SH3BP2: variants seen among roughly 807,000 people sequenced by gnomAD.
SH3BP2 encodes SH3 domain-binding protein 2.
A neutral mutation model predicts 56.2 loss-of-function variants in SH3BP2; 38 were observed. The ratio of observed to expected loss-of-function variants is 0.68; its 90% CI spans 0.52 to 0.89. The LOEUF is 0.89. Among genes scored for constraint, SH3BP2 ranks in the 40% least tolerant of loss-of-function variants. SH3BP2 has a pLI of 0.00. For synonymous variants in SH3BP2, 346 were observed against 316.7 expected, an observed-to-expected ratio of 1.09 and a Z score of -0.98; for missense variants, 748 against 762.6, an observed-to-expected ratio of 0.98 and a Z score of 0.23.
intron 5 of SH3BP2, 115 bp from the exon 6 acceptor site, chr4:2,827,115 G>C: frequency 1.3e-6 from 1 of 786,156 alleles, no homozygotes; most frequent in Non-Finnish European, 2.2e-6. Flanking sequence ...ATCCGTGTGT[G>C]CATCTGTGTA....
chr4:2,826,907 A>G (rs530311633), intron 5 of SH3BP2: 7 of 543,290 alleles, frequency 1.3e-5, no homozygotes, highest in Non-Finnish European at 2.5e-5. Flanking sequence ...GTCTTTGTGT[A>G]TATATATCCA....
At position 2,831,789 on chromosome 4, in the gene SH3BP2, G is replaced by A. The variant is rs1025890778; in HGVS notation, c.1350+110G>A. The A allele has an allele frequency of 2.6e-5, 35 of 1,347,048 alleles. No homozygotes were observed. The highest frequency in any genetic ancestry group is 2.5e-4 in the Admixed American group (13 of 51,418). The allele number at this position is 1,347,048 out of a possible 1,614,324, so 83.4% of individuals were successfully genotyped here. ...AGACCGTCCTGAGCAAGGACCCCCCGAGAACCCGGGAGCCTAGGGGGACAC... is the reference window on the plus strand; with the variant it reads ...AGACCGTCCTGAGCAAGGACCCCCCAAGAACCCGGGAGCCTAGGGGGACAC... On this transcript the variant is annotated intron_variant, in intron 9 of 12. Coordinates refer to ENST00000503393, the MANE Select transcript of SH3BP2 (RefSeq NM_001122681.2). The surrounding 1 kb of genome is among the most constrained non-coding windows in gnomAD (Gnocchi z 4.1).
At position 2,824,693 on chromosome 4, in the gene SH3BP2, C is replaced by T. The variant is rs368951667; in HGVS notation, c.320C>T (p.Thr107Met). The T allele has an allele frequency of 1.2e-5, 20 of 1,613,692 alleles. No individual in the cohort carries two copies. Among genetic ancestry groups the T allele is most frequent in the South Asian group, 4.4e-5 (4 of 91,086 alleles). Residue 107 changes from threonine (T) to methionine (M), a missense_variant, in exon 4 of 13, where the codon ACG becomes ATG. Coordinates refer to ENST00000503393, the MANE Select transcript of SH3BP2 (RefSeq NM_001122681.2). ...KIIHISKKHR[T>M]WFFSASSEEE... ...ATCCATATCAGCAAGAAGCACCGCACGTGGTTCTTCTCGGCCTCCTCCGAG... is the reference window on the plus strand; with the variant it reads ...ATCCATATCAGCAAGAAGCACCGCATGTGGTTCTTCTCGGCCTCCTCCGAG...
At chr4:2,813,036 C>T (rs426192) in intron 1 of SH3BP2, among the ~76,000 whole-genome samples, 112,194 of 152,112 alleles carry the variant, frequency 0.74, 41,809 homozygotes, top group African/African-American at 0.82. Context: ...CCACCCTGCC[C>T]CTGGCCAGCA....
rs58458573 is a variant in SH3BP2 at position 2,805,315 on chromosome 4, C to T, written c.-5+12177C>T. Among the ~76,000 whole-genome samples the T allele has an allele frequency of 6.2e-3, 950 of 152,262 alleles. 12 individuals carry two copies. The highest frequency in any genetic ancestry group is 0.022 in the African/African-American group (898 of 41,550). On this transcript the variant is annotated intron_variant, in intron 1 of 12. Transcript: ENST00000503393. ...TGCCTATCGATGAGGATGCTGGGGC[C>T]GGGAGGTCACCCTGGAGGCCCAGGC...
intron 1 of SH3BP2, among the ~76,000 whole-genome samples, chr4:2,803,967 G>A (rs1723428348): frequency 6.6e-6 from 1 of 152,156 alleles, no homozygotes; most frequent in South Asian, 2.1e-4. Context: ...TAGGTGCTGT[G>A]CCTGAGTGCC....
intron 1 of SH3BP2, chr4:2,817,959 G>A (rs1724075452): frequency 1.3e-5 from 2 of 152,484 alleles, no homozygotes; most frequent in Non-Finnish European, 2.9e-5. Flanking sequence ...GCAGGTGTTG[G>A]GGGAGTGGAG....
chr4:2,801,193 G>C (rs368271920), intron 1 of SH3BP2, among the ~76,000 whole-genome samples: 34 of 151,534 alleles, frequency 2.2e-4, no homozygotes, highest in African/African-American at 7.8e-4. Flanking sequence ...CCGGCAGGCC[G>C]GGCCCACCGC....
At chr4:2,815,044 G>A (rs1256882653) in intron 1 of SH3BP2, 2 of 152,282 alleles carry the variant, frequency 1.3e-5, no homozygotes, top group Non-Finnish European at 2.9e-5. Context: ...TGCTCCTTGG[G>A]GATGCCCCCT....
intron 1 of SH3BP2, among the ~76,000 whole-genome samples, chr4:2,802,476 GTATA>G (rs1165364489): frequency 4.8e-5 from 7 of 147,320 alleles, no homozygotes; most frequent in African/African-American, 1.8e-4. Context: ...ATGTGTATGT[GTATA>G]TATATGTGTA....
At position 2,796,217 on chromosome 4, in the gene SH3BP2, G is replaced by A. The variant is rs180860925; in HGVS notation, c.-5+3079G>A. 1.1e-3 allele frequency among the ~76,000 whole-genome samples: 164 copies of A among 152,274 alleles called. 1 individual carries two copies. Among genetic ancestry groups the A allele is most frequent in the African/African-American group, 3.7e-3 (154 of 41,534 alleles). ...GCTGCTGGATTTGGGTTCCGTGCCG[G>A]GCCCCTGACTACACTCATCCTTCAA... On this transcript the variant is annotated intron_variant, in intron 1 of 12. Transcript: ENST00000503393.
At chr4:2,815,945 C>T (rs1004025891) in intron 1 of SH3BP2, among the ~76,000 whole-genome samples, 5 of 152,192 alleles carry the variant, frequency 3.3e-5, no homozygotes, top group Admixed American at 6.5e-5. Context: ...GAAAAGGGAA[C>T]GCTTGAACTA....
chr4:2,840,872 T>A lies in SH3BP2; in HGVS notation c.*7038T>A, dbSNP rs1320273201. 2.6e-5 allele frequency: 4 copies of A among 152,368 alleles called. No individual in the cohort carries two copies. The East Asian group carries it at 7.7e-4, about 29-fold the overall frequency. 9.4% of individuals were successfully genotyped at this position (152,368 alleles called of 1,614,324 possible). A position where few individuals can be genotyped will look rare whatever the true frequency, so the allele number is the denominator to read the frequency against. ...CCTCTCTTTCCATTTGGGTCTTCTT[T>A]AAGGTTTACCAATAGGATTTTATAT... On this transcript the variant is annotated 3_prime_UTR_variant, in exon 13 of 13. Coordinates refer to ENST00000503393, the MANE Select transcript of SH3BP2 (RefSeq NM_001122681.2).
chr4:2,812,528 C>T, intron 1 of SH3BP2: 1 of 1,528,970 alleles, frequency 6.5e-7, no homozygotes, highest in East Asian at 2.5e-5. Flanking sequence ...ACTGGTCTAG[C>T]ACCTGAAGAA....
intron 3 of SH3BP2, 52 bp from the exon 4 acceptor site, chr4:2,824,561 G>A: frequency 2.2e-6 from 3 of 1,366,988 alleles, no homozygotes; most frequent in Non-Finnish European, 3.1e-6. Context: ...CTGTGGGAAG[G>A]CCATCCCTAT....
intron 3 of SH3BP2, among the ~76,000 whole-genome samples, chr4:2,824,058 C>T (rs1035101964): frequency 6.6e-6 from 1 of 152,222 alleles, no homozygotes; most frequent in African/African-American, 2.4e-5. Flanking sequence ...TCAGGGAATG[C>T]TGGGCCTGAG....
Position 2,833,738 on chromosome 4 carries a change from T to C in SH3BP2, c.1590T>C (p.Ser530=). 1 of 1,609,242 alleles carries C rather than the reference T, an allele frequency of 6.2e-7. No homozygotes were observed. Among genetic ancestry groups the C allele is most frequent in the Non-Finnish European group, 8.5e-7 (1 of 1,177,916 alleles). ...FYLEGEVLFV[S]VGSMVEHYHT... ...TGGAGGGCGAGGTCCTGTTTGTGAG[T>C]GTGGGCAGCATGGTGGAGCACTACC... is the stretch of plus-strand genomic sequence containing the variant. The change falls in exon 13 of 13, where the codon AGT becomes AGC. Residue 530 remains serine, a synonymous_variant. Transcript: ENST00000503393.
chr4:2,797,378 TGCCCAG>T (rs1319609518), intron 1 of SH3BP2, among the ~76,000 whole-genome samples: 1 of 152,196 alleles, frequency 6.6e-6, no homozygotes, highest in Non-Finnish European at 1.5e-5. Context: ...AGAAGGCTGC[TGCCCAG>T]CCCCGGGCCC....
intron 1 of SH3BP2, among the ~76,000 whole-genome samples, chr4:2,795,151 C>T (rs1030349808): frequency 4.6e-5 from 7 of 152,064 alleles, no homozygotes; most frequent in South Asian, 2.1e-4. Flanking sequence ...GACAGTGGGT[C>T]GCTGAGGGTG....
Sources: allele counts gnomAD v4.1 joint callset (sites outside exome capture counted in the v4.1 genomes callset), GRCh38; gene constraint gnomAD v4.1.1; non-coding constraint Gnocchi (gnomAD v3.1); transcripts MANE v1.5; gene names NCBI Gene and HGNC (gene_info 2026-07-23, HGNC 2026-07-21).